ABCC1: variants seen among roughly 807,000 people sequenced by gnomAD.
The protein encoded by ABCC1 is ATP binding cassette subfamily C member 1 (ABCC1 blood group), also known as multidrug resistance-associated protein 1.
Under a neutral mutation model 172.9 loss-of-function variants are expected in ABCC1, and 83 were observed. The ratio of observed to expected loss-of-function variants is 0.48; its 90% CI spans 0.40 to 0.58. ABCC1 has a LOEUF of 0.58. ABCC1 is among the 20% of genes least tolerant of loss of function. ABCC1 has a pLI of 0.00. For missense variants in ABCC1, 1,817 were observed against 2,002.7 expected, an observed-to-expected ratio of 0.91 and a Z score of 1.77; for synonymous variants, 937 against 825.2, an observed-to-expected ratio of 1.14 and a Z score of -2.32.
At chr16:15,968,128 A>G (rs2046288380) in intron 1 of ABCC1, among the ~76,000 whole-genome samples, 1 of 152,074 alleles carries the variant, frequency 6.6e-6, no homozygotes, top group South Asian at 2.1e-4. Flanking sequence ...CCCAAGTTCA[A>G]GTGATTCTCC....
At chr16:16,118,710 G>A (rs939517519) in intron 23 of ABCC1, among the ~76,000 whole-genome samples, 18 of 151,816 alleles carry the variant, frequency 1.2e-4, no homozygotes, top group African/African-American at 3.6e-4. Context: ...GTGCACTGTC[G>A]TTATCACCGA....
intron 11 of ABCC1, among the ~76,000 whole-genome samples, chr16:16,053,657 C>A (rs1032500192): frequency 6.6e-6 from 1 of 151,072 alleles, no homozygotes; most frequent in Non-Finnish European, 1.5e-5. Context: ...TGTGGTGATG[C>A]GTGCCTGTAG....
At chr16:16,047,050 T>G (rs2049240691) in intron 9 of ABCC1, among the ~76,000 whole-genome samples, 1 of 152,028 alleles carries the variant, frequency 6.6e-6, no homozygotes, top group Admixed American at 6.6e-5. Context: ...TTAAAAAAAT[T>G]AGCCAGGTAT....
At position 16,044,453 on chromosome 16, in the gene ABCC1, G is replaced by C. The variant is rs748621744; in HGVS notation, c.813G>C (p.Gln271His). 1 of 1,613,868 alleles carries C rather than the reference G, an allele frequency of 6.2e-7. No individual in the cohort carries two copies. The highest frequency in any genetic ancestry group is 8.5e-7 in the Non-Finnish European group (1 of 1,179,870). The change falls in exon 8 of 31, where the codon CAG becomes CAC. Residue 271 changes from glutamine to histidine, a missense_variant. Gln to His is a conservative substitution (Grantham distance 24). Coordinates refer to ENST00000399410, the MANE Select transcript of ABCC1 (RefSeq NM_004996.4). ...GCTTCACCTCCTTGTGTTCCAGGCA[G>C]CCGGTGAAGGTTGTGTACTCCTCCA... ...WKKECAKTRK[Q>H]PVKVVYSSKD...
intron 1 of ABCC1, among the ~76,000 whole-genome samples, chr16:15,976,248 C>A (rs2046489146): frequency 6.6e-6 from 1 of 152,106 alleles, no homozygotes; most frequent in Non-Finnish European, 1.5e-5. Flanking sequence ...GCCTGGGCAG[C>A]AAGAGCAAAA....
chr16:16,032,571 A>G (rs1468727116), intron 5 of ABCC1, among the ~76,000 whole-genome samples: 2 of 152,228 alleles, frequency 1.3e-5, no homozygotes, highest in African/African-American at 4.8e-5. Flanking sequence ...TACCATGTTT[A>G]TAGAATTCCA....
At chr16:16,012,650 G>A (rs1305342116) in intron 3 of ABCC1, among the ~76,000 whole-genome samples, 1 of 151,260 alleles carries the variant, frequency 6.6e-6, no homozygotes, top group East Asian at 2.0e-4. Flanking sequence ...TTTTTGACTT[G>A]AGTAGGTCAT....
chr16:15,972,520 T>C (rs1021349453), intron 1 of ABCC1, among the ~76,000 whole-genome samples: 2 of 152,096 alleles, frequency 1.3e-5, no homozygotes, highest in Non-Finnish European at 2.9e-5. Flanking sequence ...ATATCTGGGT[T>C]CAAGGTAGGA....
intron 1 of ABCC1, among the ~76,000 whole-genome samples, chr16:15,958,268 G>A (rs999114681): frequency 1.3e-5 from 2 of 152,058 alleles, no homozygotes; most frequent in African/African-American, 4.8e-5. Flanking sequence ...ACCACACTCG[G>A]CTTATTTTTG....
At chr16:16,139,307 T>TA (rs1180681232) in intron 30 of ABCC1, among the ~76,000 whole-genome samples, 1 of 92,970 alleles carries the variant, frequency 1.1e-5, no homozygotes, top group East Asian at 6.0e-4. Context: ...AAAGGTTTTA[T>TA]TTTTTTTAAA....
intron 12 of ABCC1, among the ~76,000 whole-genome samples, chr16:16,060,033 A>C (rs1404235141): frequency 6.6e-6 from 1 of 152,022 alleles, no homozygotes; most frequent in African/African-American, 2.4e-5. Context: ...TGCTGAGCTC[A>C]TGGGCCGTAT....
At chr16:15,979,319 A>C (rs1454730906) in intron 1 of ABCC1, among the ~76,000 whole-genome samples, 2 of 151,906 alleles carry the variant, frequency 1.3e-5, no homozygotes, top group Admixed American at 6.6e-5. Flanking sequence ...CAAAAAAAAA[A>C]CAAAATTTTT....
At chr16:16,033,758 G>A (rs2048640226) in intron 6 of ABCC1, among the ~76,000 whole-genome samples, 1 of 152,096 alleles carries the variant, frequency 6.6e-6, no homozygotes, top group African/African-American at 2.4e-5. Flanking sequence ...CAGGTAGCTG[G>A]GATTACAGGC....
rs544514968 is a variant in ABCC1, at chr16:15,969,646, T to A, written c.48+19847T>A. On this transcript the variant is annotated intron_variant, in intron 1 of 30. Coordinates refer to ENST00000399410, the MANE Select transcript of ABCC1 (RefSeq NM_004996.4). ...CCTCTGCCTCCCAAAGTGCTGAGAT[T>A]ACAGGCTTGAGCCACTGCTCCCAGC... Among the ~76,000 whole-genome samples the A allele has an allele frequency of 4.8e-3, 725 of 152,244 alleles. 3 individuals carry two copies. Among genetic ancestry groups the A allele is most frequent in the Middle Eastern group, 0.014 (4 of 294 alleles).
intron 1 of ABCC1, among the ~76,000 whole-genome samples, chr16:16,002,564 G>A (rs1308769490): frequency 6.6e-6 from 1 of 152,128 alleles, no homozygotes; most frequent in African/African-American, 2.4e-5. Context: ...CTTGAGCTCA[G>A]GACTTTGAGA....
chr16:16,122,809 A>C (rs1416924581), intron 24 of ABCC1, among the ~76,000 whole-genome samples: 2 of 151,560 alleles, frequency 1.3e-5, no homozygotes, highest in Non-Finnish European at 2.9e-5. Context: ...GTTTCAGCCC[A>C]GGAGTTCAAA....
chr16:16,043,123 G>A (rs927498984), intron 7 of ABCC1, among the ~76,000 whole-genome samples: 9 of 150,474 alleles, frequency 6.0e-5, no homozygotes, highest in African/African-American at 2.0e-4. Flanking sequence ...TCGACCTCCC[G>A]AAGTGCTGGC....
intron 3 of ABCC1, among the ~76,000 whole-genome samples, chr16:16,012,178 C>A (rs1267767921): frequency 6.6e-6 from 1 of 152,206 alleles, no homozygotes; most frequent in Non-Finnish European, 1.5e-5. Context: ...TTTATTAACC[C>A]TTTTACGTTG....
At chr16:16,056,990 A>T (rs1820162160) in intron 12 of ABCC1, among the ~76,000 whole-genome samples, 1 of 152,024 alleles carries the variant, frequency 6.6e-6, no homozygotes, top group Non-Finnish European at 1.5e-5. Flanking sequence ...CAAAGTGTGG[A>T]TTGTCAGTGT....
Sources: gnomAD v4.1 joint callset for allele counts (sites outside exome capture counted in the v4.1 genomes callset) on GRCh38, gnomAD v4.1.1 for gene constraint, MANE v1.5 for transcripts, NCBI Gene and HGNC (gene_info 2026-07-23, HGNC 2026-07-21) for gene names.